DIP2A: variants seen among roughly 807,000 people sequenced by gnomAD.
DIP2A encodes the protein DIP2 acetate--CoA ligase A.
A neutral mutation model predicts 177.4 loss-of-function variants in DIP2A; 85 were observed. The observed-to-expected ratio is 0.48, with a 90% CI of 0.40 to 0.57. DIP2A has a LOEUF of 0.57. Ranked by LOEUF, DIP2A falls within the 20% of genes least tolerant of loss-of-function variation. The pLI, the probability that DIP2A is intolerant of heterozygous loss-of-function variation, is 0.00. For synonymous variants in DIP2A, 886 were observed against 881.8 expected (o/e 1.00, Z -0.08); for missense variants, 1,791 against 2,100.2 (o/e 0.85, Z 2.88).
intron 8 of DIP2A, among the ~76,000 whole-genome samples, chr21:46,512,974 A>G (rs2058381936): frequency 1.3e-5 from 2 of 152,046 alleles, no homozygotes; most frequent in South Asian, 2.1e-4. Context: ...ATTTCTTTGT[A>G]TGTTTCAGAT....
intron 35 of DIP2A, among the ~76,000 whole-genome samples, chr21:46,565,401 CTT>C (rs765473506): frequency 7.9e-5 from 12 of 152,210 alleles, no homozygotes; most frequent in African/African-American, 1.2e-4. Context: ...CCGGCCCTCT[CTT>C]ATTACCAACA....
At chr21:46,500,656 T>C (rs141111756) in intron 5 of DIP2A, among the ~76,000 whole-genome samples, 1 of 152,380 alleles carries the variant, frequency 6.6e-6, no homozygotes, top group East Asian at 1.9e-4. Flanking sequence ...CAACACTGTT[T>C]CCGGGTGGGT....
chr21:46,495,735 G>GTAGC (rs1161778045), intron 3 of DIP2A, among the ~76,000 whole-genome samples: 1 of 152,086 alleles, frequency 6.6e-6, no homozygotes, highest in Non-Finnish European at 1.5e-5. Context: ...AGCTTCCTGA[G>GTAGC]TAGCTGGGAC....
chr21:46,475,045 G>A (rs1873384100), intron 1 of DIP2A, among the ~76,000 whole-genome samples: 1 of 149,340 alleles, frequency 6.7e-6, no homozygotes, highest in Non-Finnish European at 1.5e-5. Flanking sequence ...TGGGCACTCA[G>A]CAGCCCTATG....
intron 22 of DIP2A, chr21:46,550,148 G>T: frequency 1.1e-6 from 1 of 885,622 alleles, no homozygotes; most frequent in Admixed American, 3.3e-5. Flanking sequence ...GAGAACATTT[G>T]AAATGCACTC....
chr21:46,564,959 C>T (rs1001760309), intron 35 of DIP2A, among the ~76,000 whole-genome samples: 2 of 152,246 alleles, frequency 1.3e-5, no homozygotes, highest in South Asian at 2.1e-4. Flanking sequence ...TGGTGACCCA[C>T]CCTTGTGGCA....
rs368217543 is a variant in DIP2A, at chr21:46,490,583, A to G, written c.164-17A>G. The G allele has an allele frequency of 6.5e-6, 10 of 1,546,932 alleles. No homozygotes were observed. The highest frequency in any genetic ancestry group is 2.1e-5 in the Admixed American group (1 of 48,442). On this transcript the variant is annotated splice_polypyrimidine_tract_variant and intron_variant, in intron 2 of 37. Coordinates refer to ENST00000417564, the MANE Select transcript of DIP2A (RefSeq NM_015151.4). ...CAAATTGTTCACATAAGGTATTCCCATAAAATTGTGTTTCAGGAATAGACC... is the reference window on the plus strand; with the variant it reads ...CAAATTGTTCACATAAGGTATTCCCGTAAAATTGTGTTTCAGGAATAGACC...
At position 46,567,636 on chromosome 21, in the gene DIP2A, G is replaced by A. The variant is rs761953374; in HGVS notation, c.*14G>A. ...TACAACATGTGAGCGCAGCACACCG[G>A]CCCAGGTGCCGGAGATGAATGAGCC... On this transcript the variant is annotated 3_prime_UTR_variant, in exon 38 of 38. Coordinates refer to ENST00000417564, the MANE Select transcript of DIP2A (RefSeq NM_015151.4). The A allele has an allele frequency of 3.2e-6, 5 of 1,562,704 alleles. No homozygotes were observed. The highest frequency in any genetic ancestry group is 1.7e-4 in the Middle Eastern group (1 of 5,834).
At chr21:46,562,896 C>T (rs1403469374) in intron 34 of DIP2A, among the ~76,000 whole-genome samples, 1 of 152,190 alleles carries the variant, frequency 6.6e-6, no homozygotes, top group Non-Finnish European at 1.5e-5. Flanking sequence ...AGCTCTGCAT[C>T]ATCCTTGGTG....
At chr21:46,549,524 G>A (rs368587429) in intron 21 of DIP2A, among the ~76,000 whole-genome samples, 54 of 152,292 alleles carry the variant, frequency 3.5e-4, no homozygotes, top group Middle Eastern at 3.4e-3. Flanking sequence ...TTGTAAAAAT[G>A]TGTGTCTTTG....
intron 13 of DIP2A, among the ~76,000 whole-genome samples, chr21:46,536,835 C>T (rs1011296471): frequency 2.5e-4 from 38 of 150,570 alleles, no homozygotes; most frequent in East Asian, 7.8e-4. Flanking sequence ...ACCTGGGAGG[C>T]GGAGGTTGCA....
At chr21:46,551,054 C>T (rs1209105594) in intron 23 of DIP2A, among the ~76,000 whole-genome samples, 3 of 152,222 alleles carry the variant, frequency 2.0e-5, no homozygotes, top group East Asian at 1.9e-4. Context: ...CTCCCTAGGG[C>T]TAGAAATGCT....
At chr21:46,548,331 T>C (rs569317072) in intron 21 of DIP2A, among the ~76,000 whole-genome samples, 8 of 152,228 alleles carry the variant, frequency 5.3e-5, no homozygotes, top group African/African-American at 1.7e-4. Context: ...GCCCAAACCC[T>C]GCTTTGAGGT....
chr21:46,463,680 T>TTGTGTGTGTGTGCGTGTGTGTG (rs2054525149), intron 1 of DIP2A, among the ~76,000 whole-genome samples: 1 of 130,960 alleles, frequency 7.6e-6, no homozygotes, highest in Non-Finnish European at 1.6e-5. Context: ...TGGGATATAT[T>TTGTGTGTGTGTGCGTGTGTGTG]TGTGTGTGTG....
intron 1 of DIP2A, among the ~76,000 whole-genome samples, chr21:46,484,062 T>C (rs80152204): frequency 0.041 from 6,306 of 152,288 alleles, 196 homozygotes; most frequent in Non-Finnish European, 0.063. Context: ...AGCCGTCCTT[T>C]TTCCTCCTTT....
chr21:46,497,217 A>G, intron 4 of DIP2A, 110 bp downstream of exon 4: 1 of 1,310,748 alleles, frequency 7.6e-7, no homozygotes, highest in Admixed American at 3.0e-5. Context: ...TGTAGTATAG[A>G]TTGGACGCAT....
rs368500330 is a variant in DIP2A, at chr21:46,566,658, C to T, written c.4438C>T (p.Arg1480Ter). The change falls in exon 37 of 38, where the codon CGA becomes TGA. Residue 1480 changes from arginine (R) to a stop codon, truncating the protein, a stop_gained. Transcript: ENST00000417564. LOFTEE classifies it high-confidence loss of function. Reference sequence around the variant, plus strand: ...CATCGACATTGAGACCTCTGTCATCCGAGCACACAGGAGCATCGCTGAGTG... The same window carrying T: ...CATCGACATTGAGACCTCTGTCATCTGAGCACACAGGAGCATCGCTGAGTG... ...HPIDIETSVI[R>*]AHRSIAECAV... The T allele has an allele frequency of 6.2e-6, 10 of 1,614,220 alleles. No homozygotes were observed. Among genetic ancestry groups the T allele is most frequent in the Non-Finnish European group, 8.5e-6 (10 of 1,180,038 alleles).
At chr21:46,529,071 A>G (rs1377010279) in intron 8 of DIP2A, 21 bp from the exon 9 acceptor site, 3 of 1,389,322 alleles carry the variant, frequency 2.2e-6, no homozygotes, top group South Asian at 1.4e-5. Context: ...TACATTGCTT[A>G]GTATTTTTAT....
intron 1 of DIP2A, among the ~76,000 whole-genome samples, chr21:46,480,453 C>G (rs2056267757): frequency 6.6e-6 from 1 of 152,196 alleles, no homozygotes. Context: ...GGGGAGGACA[C>G]AGAGCCAGAC....
Sources: gnomAD v4.1 joint callset for allele counts (sites outside exome capture counted in the v4.1 genomes callset) on GRCh38, gnomAD v4.1.1 for gene constraint, MANE v1.5 for transcripts, NCBI Gene and HGNC (gene_info 2026-07-23, HGNC 2026-07-21) for gene names.